The following GABRR1 variants were observed in gnomAD, a reference collection of about 807,000 sequenced individuals.
GABRR1 encodes gamma-aminobutyric acid receptor subunit rho-1.
A neutral mutation model predicts 55.5 loss-of-function variants in GABRR1; 59 were observed. The observed-to-expected ratio is 1.06, with a 90% CI of 0.86 to 1.32. The LOEUF (loss-of-function observed/expected upper bound fraction) is 1.32, where lower values mean the gene tolerates loss of function less well. Among genes scored for constraint, GABRR1 ranks in the 40% most tolerant of loss-of-function variants. The probability of loss-of-function intolerance (pLI) is 0.00; values close to 1 mark genes in which losing one functional copy is unlikely to be tolerated. For synonymous variants in GABRR1, 213 were observed against 226.0 expected, an observed-to-expected ratio of 0.94 and a Z score of 0.51; for missense variants, 602 against 619.1, an observed-to-expected ratio of 0.97 and a Z score of 0.29.
chr6:89,180,634 T>A (rs1771688910), intron 8 of GABRR1, 146 bp from the exon 9 acceptor site: 2 of 991,170 alleles, frequency 2.0e-6, no homozygotes, highest in South Asian at 1.7e-5. Flanking sequence ...CACCTACACA[T>A]CTTTCAAGAT....
chr6:89,229,136 T>G (rs1773243356), intron 1 of GABRR1, among the ~76,000 whole-genome samples: 3 of 152,198 alleles, frequency 2.0e-5, no homozygotes, highest in Admixed American at 2.0e-4. Context: ...TCCATCCTTT[T>G]GTTTTGAGCC....
upstream of GABRR1, chr6:89,221,353 C>T (rs779598960): frequency 2.0e-5 from 3 of 152,202 alleles, no homozygotes; most frequent in African/African-American, 7.2e-5. Flanking sequence ...GCTGTTTCCA[C>T]GTGCTCCCTG....
chr6:89,188,070 G>A (rs2127792672), intron 6 of GABRR1, among the ~76,000 whole-genome samples: 1 of 151,518 alleles, frequency 6.6e-6, no homozygotes, highest in East Asian at 1.9e-4. Context: ...AGGCTGGAGT[G>A]CAGTGGTGCA....
At chr6:89,204,747 T>C in intron 1 of GABRR1, 1 of 895,362 alleles carries the variant, frequency 1.1e-6, no homozygotes, top group South Asian at 1.8e-5. Flanking sequence ...TTTTCATTAT[T>C]AATATTATTA....
chr6:89,197,465 C>T (rs440203), intron 5 of GABRR1, among the ~76,000 whole-genome samples: 4,875 of 152,264 alleles, frequency 0.032, 203 homozygotes, highest in African/African-American at 0.094. Flanking sequence ...CCCAGGCCAG[C>T]GCTTCATGAG....
rs145445331 is a variant in GABRR1 at position 89,201,023 on chromosome 6, GAT to G, written c.280+134_280+135del. ...GATGCTCAAAATGTACTGTGGGCTC[GAT>G]GTCTTGTCCACCAAGCACAACTGAG... On this transcript the variant is annotated intron_variant, in intron 3 of 9. Coordinates refer to ENST00000454853, the MANE Select transcript of GABRR1 (RefSeq NM_002042.5). The G allele has an allele frequency of 1.7e-3, 1,135 of 667,910 alleles. 7 individuals are homozygous for G. Among genetic ancestry groups the G allele is most frequent in the African/African-American group, 0.013 (728 of 55,780 alleles). 41.4% of individuals were successfully genotyped at this position (667,910 alleles called of 1,614,324 possible).
chr6:89,219,912 C>A (rs1278443305), upstream of GABRR1, among the ~76,000 whole-genome samples: 1 of 152,148 alleles, frequency 6.6e-6, no homozygotes, highest in Non-Finnish European at 1.5e-5. Flanking sequence ...ATAAATCATC[C>A]TTTAACGTGC....
intron 1 of GABRR1, among the ~76,000 whole-genome samples, chr6:89,205,133 G>T (rs1368782719): frequency 6.6e-6 from 1 of 152,126 alleles, no homozygotes; most frequent in Non-Finnish European, 1.5e-5. Flanking sequence ...TATGAAGTAG[G>T]CCTCGTCATT....
In GABRR1 at chr6:89,180,456, T is replaced by C. The variant is rs1341733651; in HGVS notation, c.982A>G (p.Ile328Val). ...ITTVLTMSTIITGVNASMPRV... is the reference protein window; with the variant it reads ...ITTVLTMSTIVTGVNASMPRV... ...GGCATGGAGGCATTCACGCCCGTGA[T>C]GATGGTGGACATGGTCAGCACCGTT... Residue 328 changes from isoleucine (I) to valine (V), a missense_variant, in exon 9 of 10, where the codon ATC (isoleucine) becomes GTC (valine). This residue lies in a region of GABRR1 where 435 missense variants were observed against 424.2 expected (regional missense o/e 1.03). Coordinates refer to ENST00000454853, the MANE Select transcript of GABRR1 (RefSeq NM_002042.5). 6.2e-7 allele frequency: 1 copy of C among 1,613,938 alleles called. No individual in the cohort carries two copies.
rs989949555 is a variant in GABRR1 at position 89,198,083 on chromosome 6, T to C, written c.509A>G (p.Asp170Gly). 3.1e-6 allele frequency: 5 copies of C among 1,613,970 alleles called. No individual in the cohort carries two copies. The African/African-American group carries it at 4.0e-5, about 13-fold the overall frequency. Residue 170 changes from aspartate (D) to glycine (G), a missense_variant, in exon 5 of 10, where the codon GAC becomes GGC. Coordinates refer to ENST00000454853, the MANE Select transcript of GABRR1 (RefSeq NM_002042.5). ...CAACATGACGTTGTCTGTGGTGGTG[T>C]CGTGGATGAAGGAGCGTTTGGAGTG... ...FVHSKRSFIHDTTTDNVMLRV... is the reference protein window; with the variant it reads ...FVHSKRSFIHGTTTDNVMLRV...
At chr6:89,181,884 T>G in intron 8 of GABRR1, 21 bp downstream of exon 8, 1 of 1,586,270 alleles carries the variant, frequency 6.3e-7, no homozygotes, top group Non-Finnish European at 8.6e-7. Flanking sequence ...GCTTGGAATA[T>G]GCACTTGAGG....
rs1214594508 is a variant in GABRR1, at chr6:89,178,765, A to G, written c.*5T>C. The G allele has an allele frequency of 1.2e-6, 2 of 1,602,068 alleles. No individual in the cohort carries two copies. The highest frequency in any genetic ancestry group is 1.1e-5 in the South Asian group (1 of 90,852). On this transcript the variant is annotated 3_prime_UTR_variant, in exon 10 of 10. Transcript: ENST00000454853. ...GAAATGTGAAATTTGTAGAATTACA[A>G]GCATCTAGGAGAAAATAGACCAGTA...
At chr6:89,192,601 C>T (rs531300594) in intron 5 of GABRR1, among the ~76,000 whole-genome samples, 352 of 145,108 alleles carry the variant, frequency 2.4e-3, no homozygotes, top group Non-Finnish European at 3.6e-3. Flanking sequence ...CTCGCTCTGT[C>T]GCCCAGGCTG....
At chr6:89,184,429 G>A (rs1484200381) in intron 7 of GABRR1, among the ~76,000 whole-genome samples, 1 of 152,076 alleles carries the variant, frequency 6.6e-6, no homozygotes, top group East Asian at 1.9e-4. Context: ...CAGGCAACAG[G>A]AGGGGGTGAG....
At position 89,178,667 on chromosome 6, in the gene GABRR1, T is replaced by C. The variant is rs1771613046; in HGVS notation, c.*103A>G. ...AAGGGATAGTGAAAACATGGGTGGG[T>C]CCTGGGATTTTTTTTTAACCATATC... On this transcript the variant is annotated 3_prime_UTR_variant, in exon 10 of 10. Transcript: ENST00000454853. 10 of 985,742 alleles carry C rather than the reference T, an allele frequency of 1.0e-5. No individual in the cohort carries two copies. The highest frequency in any genetic ancestry group is 1.5e-5 in the Non-Finnish European group (10 of 670,606). The allele number at this position is 985,742 out of a possible 1,614,324, so 61.1% of individuals were successfully genotyped here.
chr6:89,201,171 G>A lies in GABRR1; in HGVS notation c.268C>T (p.Pro90Ser). Residue 90 changes from proline to serine, a missense_variant, in exon 3 of 10, where the codon CCT becomes TCT. By Grantham distance (74) the Pro-to-Ser change is moderately conservative. Coordinates refer to ENST00000454853, the MANE Select transcript of GABRR1 (RefSeq NM_002042.5). ...ACACATCCCATACCTCCAAAGCCAG[G>A]CCTCATGCTGAAATCATGGTCATCT... ...RIDDHDFSMR[P>S]GFGGPAIPVG... The A allele has an allele frequency of 6.2e-7, 1 of 1,613,350 alleles. No homozygotes were observed. Among genetic ancestry groups the A allele is most frequent in the Admixed American group, 1.7e-5 (1 of 60,014 alleles).
chr6:89,196,732 A>T (rs1772284663), intron 5 of GABRR1, among the ~76,000 whole-genome samples: 1 of 151,628 alleles, frequency 6.6e-6, no homozygotes, highest in African/African-American at 2.4e-5. Flanking sequence ...AGCCACGATC[A>T]CGCCAGTGCA....
chr6:89,183,562 G>C (rs1206466407), intron 7 of GABRR1, among the ~76,000 whole-genome samples: 1 of 151,966 alleles, frequency 6.6e-6, no homozygotes, highest in Non-Finnish European at 1.5e-5. Flanking sequence ...GGTCAAAAAA[G>C]AGGCAAGAAG....
At chr6:89,200,936 C>T (rs1407757060) in intron 3 of GABRR1, among the ~76,000 whole-genome samples, 2 of 147,842 alleles carry the variant, frequency 1.4e-5, no homozygotes, top group East Asian at 4.1e-4. Flanking sequence ...AGAGGGGCAG[C>T]AGCCACCCAG....
Sources: allele counts gnomAD v4.1 joint callset (sites outside exome capture counted in the v4.1 genomes callset), GRCh38; gene constraint gnomAD v4.1.1; regional missense constraint gnomAD v4.1.1; transcripts MANE v1.5; gene names NCBI Gene and HGNC (gene_info 2026-07-23, HGNC 2026-07-21).